Variants in FARP1 observed in about 807,000 individuals in gnomAD.
FARP1 encodes the protein FERM, ARHGEF and pleckstrin domain-containing protein 1.
FARP1 carries 52 observed loss-of-function variants against 128.8 expected under a neutral mutation model. The observed-to-expected ratio is 0.40, with a 90% CI of 0.32 to 0.51. The LOEUF is 0.51. Ranked by LOEUF, FARP1 falls within the 20% of genes least tolerant of loss-of-function variation. FARP1 has a pLI of 0.45. For missense variants in FARP1, 1,333 were observed against 1,367.9 expected (o/e 0.97, Z 0.40); for synonymous variants, 580 against 551.8 (o/e 1.05, Z -0.72).
At chr13:98,262,797 G>A (rs529917651) in intron 2 of FARP1, among the ~76,000 whole-genome samples, 1 of 152,192 alleles carries the variant, frequency 6.6e-6, no homozygotes, top group East Asian at 1.9e-4. Flanking sequence ...TGTCAGACCC[G>A]AAGTTAACTT....
chr13:98,312,297 C>T (rs111756212), intron 2 of FARP1, among the ~76,000 whole-genome samples: 6,121 of 151,856 alleles, frequency 0.04, 218 homozygotes, highest in African/African-American at 0.096. Context: ...CCCGCTACCA[C>T]GCCTGGCTAA....
chr13:98,197,392 G>A (rs12857404), intron 1 of FARP1, among the ~76,000 whole-genome samples: 36,526 of 151,648 alleles, frequency 0.24, 4,674 homozygotes, highest in Middle Eastern at 0.36. Flanking sequence ...CTTGAACCTG[G>A]GAGGCGGAGG....
At chr13:98,432,619 C>T (rs1436659073) in intron 18 of FARP1, 2 of 152,278 alleles carry the variant, frequency 1.3e-5, no homozygotes, top group Non-Finnish European at 2.9e-5. Context: ...CCTCCCAACT[C>T]TTTAGCCAAA....
chr13:98,222,068 G>A (rs1184670168), intron 2 of FARP1, among the ~76,000 whole-genome samples: 4 of 152,192 alleles, frequency 2.6e-5, no homozygotes, highest in Non-Finnish European at 2.9e-5. Context: ...TCTGTAGATA[G>A]AATGATCATG....
At chr13:98,255,661 TTTTG>T (rs1160917880) in intron 2 of FARP1, among the ~76,000 whole-genome samples, 4 of 152,206 alleles carry the variant, frequency 2.6e-5, no homozygotes, top group Admixed American at 1.3e-4. Flanking sequence ...GGAAAATATA[TTTTG>T]TTTGTCTTTT....
intron 8 of FARP1, 111 bp from the exon 9 acceptor site, chr13:98,388,272 T>C (rs1890173973): frequency 2.7e-6 from 2 of 736,672 alleles, no homozygotes; most frequent in Non-Finnish European, 4.9e-6. Context: ...TCATCTCTAC[T>C]GAGCAGTCGC....
At chr13:98,274,550 C>G (rs1302968198) in intron 2 of FARP1, among the ~76,000 whole-genome samples, 1 of 151,980 alleles carries the variant, frequency 6.6e-6, no homozygotes, top group East Asian at 1.9e-4. Context: ...AAGTTTGAAA[C>G]CTGAGCTTTT....
intron 2 of FARP1, 72 bp from the exon 3 acceptor site, chr13:98,343,690 T>A (rs1334762921): frequency 1.9e-6 from 2 of 1,065,442 alleles, no homozygotes; most frequent in Non-Finnish European, 2.9e-6. Flanking sequence ...AGAGGTTTCC[T>A]GCAGCGAGGA....
chr13:98,161,513 G>A lies in FARP1; in HGVS notation c.-24+18021G>A, dbSNP rs552231481. On this transcript the variant is annotated intron_variant, in intron 1 of 26. Transcript: ENST00000319562. Reference sequence around the variant, plus strand: ...ATTACAGGCATGAGCCACCATGCTCGGCAGCTTCAGTAGTCTTTAAGTCAA... The same window carrying A: ...ATTACAGGCATGAGCCACCATGCTCAGCAGCTTCAGTAGTCTTTAAGTCAA... Among the ~76,000 whole-genome samples the A allele has an allele frequency of 7.2e-5, 11 of 151,978 alleles. No individual in the cohort carries two copies. The South Asian group carries it at 1.3e-3, about 17-fold the overall frequency.
intron 2 of FARP1, among the ~76,000 whole-genome samples, chr13:98,281,484 C>T (rs921810028): frequency 1.3e-5 from 2 of 152,168 alleles, no homozygotes; most frequent in Non-Finnish European, 2.9e-5. Flanking sequence ...GTTATTTGCA[C>T]CTGGCCTGGA....
At position 98,453,292 on chromosome 13, in the gene FARP1, G is replaced by A. The variant is rs1471724453; in HGVS notation, c.*4975G>A. The stretch of plus-strand genomic sequence containing the variant: ...AATTCATATAGTAACCAAAATCTTA[G>A]TTTTCATAAGAAATTCCAAGTCATA... On this transcript the variant is annotated 3_prime_UTR_variant, in exon 27 of 27. Coordinates refer to ENST00000319562, the MANE Select transcript of FARP1 (RefSeq NM_005766.4). 7.1e-7 allele frequency: 1 copy of A among 1,400,928 alleles called. No individual in the cohort carries two copies. Among genetic ancestry groups the A allele is most frequent in the African/African-American group, 1.5e-5 (1 of 68,674 alleles). The allele number at this position is 1,400,928 out of a possible 1,614,324, so 86.8% of individuals were successfully genotyped here. A position where few individuals can be genotyped will look rare whatever the true frequency, so the allele number is the denominator to read the frequency against.
intron 2 of FARP1, among the ~76,000 whole-genome samples, chr13:98,301,357 CAGACAGGT>C (rs1197499440): frequency 1.3e-5 from 2 of 152,170 alleles, no homozygotes; most frequent in Non-Finnish European, 2.9e-5. Context: ...GTGGAGAAGT[CAGACAGGT>C]CTGCTTGGCA....
In FARP1 at chr13:98,176,743, C is replaced by G. The variant is rs1878078644; in HGVS notation, c.-24+33251C>G. The G allele has an allele frequency of 6.2e-7, 1 of 1,614,026 alleles. No individual in the cohort carries two copies. The highest frequency in any genetic ancestry group is 1.3e-5 in the African/African-American group (1 of 75,040). Reference sequence around the variant, plus strand: ...CCTCGCCATCCCCGAGGAGGAGTTGCCCATGGACGTGTCCTTGGGCTTCAG... The same window carrying G: ...CCTCGCCATCCCCGAGGAGGAGTTGGCCATGGACGTGTCCTTGGGCTTCAG... On this transcript the variant is annotated intron_variant, in intron 1 of 26. Transcript: ENST00000319562. This position sits in a 1 kb window ranked among gnomAD's most constrained non-coding sequence, Gnocchi z 6.2.
intron 1 of FARP1, among the ~76,000 whole-genome samples, chr13:98,184,759 A>C (rs1167056867): frequency 2.0e-5 from 3 of 152,218 alleles, no homozygotes; most frequent in Admixed American, 1.3e-4. Context: ...TGTTTTTAAA[A>C]AGATTGTTTC....
chr13:98,236,438 G>T (rs74750035), intron 2 of FARP1, among the ~76,000 whole-genome samples: 1,948 of 152,140 alleles, frequency 0.013, 34 homozygotes, highest in African/African-American at 0.044. Context: ...CATCTCCTAC[G>T]TGCATTTCTA....
At chr13:98,206,429 C>T in intron 1 of FARP1, among the ~76,000 whole-genome samples, 1 of 152,150 alleles carries the variant, frequency 6.6e-6, no homozygotes, top group East Asian at 1.9e-4. Context: ...CCTGTTATTC[C>T]AAGAAAGTTA....
At chr13:98,253,944 T>C (rs1412384604) in intron 2 of FARP1, among the ~76,000 whole-genome samples, 1 of 152,236 alleles carries the variant, frequency 6.6e-6, no homozygotes, top group Non-Finnish European at 1.5e-5. Flanking sequence ...TGGAACAAAC[T>C]GATGGGCAGT....
At chr13:98,274,254 A>ACC (rs71670681) in intron 2 of FARP1, among the ~76,000 whole-genome samples, 1 of 75,634 alleles carries the variant, frequency 1.3e-5, no homozygotes, top group Non-Finnish European at 2.6e-5. Context: ...CCCAGGTTAT[A>ACC]CAGAGAGATT....
At chr13:98,423,373 T>G (rs568825303) in intron 16 of FARP1, among the ~76,000 whole-genome samples, 1 of 152,220 alleles carries the variant, frequency 6.6e-6, no homozygotes, top group Non-Finnish European at 1.5e-5. Context: ...TTTTCCACTT[T>G]GAAGATCTCT....
Sources: allele counts gnomAD v4.1 joint callset (sites outside exome capture counted in the v4.1 genomes callset), GRCh38; gene constraint gnomAD v4.1.1; non-coding constraint Gnocchi (gnomAD v3.1); transcripts MANE v1.5; gene names NCBI Gene and HGNC (gene_info 2026-07-23, HGNC 2026-07-21).